Variants in MYLK4 observed in about 807,000 individuals in gnomAD.
MYLK4 encodes myosin light chain kinase family member 4, also known as caMLCK like.
Under a neutral mutation model 48.1 loss-of-function variants are expected in MYLK4, and 46 were observed. That is an observed-to-expected ratio of 0.96 (90% CI 0.75 to 1.22). MYLK4 has a LOEUF of 1.22. Among genes scored for constraint, MYLK4 ranks in the 50% most tolerant of loss-of-function variants. The pLI, the probability that MYLK4 is intolerant of heterozygous loss-of-function variation, is 0.00. For missense variants in MYLK4, 451 were observed against 486.1 expected (o/e 0.93, Z 0.68); for synonymous variants, 170 against 180.8 (o/e 0.94, Z 0.48).
the MYLK4 span, among the ~76,000 whole-genome samples, chr6:2,762,782 A>G: frequency 6.6e-6 from 1 of 152,192 alleles, no homozygotes; most frequent in African/African-American, 2.4e-5. Context: ...CCGGCTCAGA[A>G]ATCAACTGGC....
At chr6:2,695,255 T>C (rs1384053840) in intron 2 of MYLK4, among the ~76,000 whole-genome samples, 1 of 152,254 alleles carries the variant, frequency 6.6e-6, no homozygotes, top group Non-Finnish European at 1.5e-5. Context: ...CTTCTGGGTT[T>C]ATTCTGTGTG....
intron 8 of MYLK4, 153 bp from the exon 9 acceptor site, chr6:2,679,561 C>G: frequency 2.0e-6 from 2 of 1,016,126 alleles, no homozygotes. Flanking sequence ...AAGCAAGAGG[C>G]TCAAAAACTT....
chr6:2,685,551 A>G lies in MYLK4; in HGVS notation c.367T>C (p.Cys123Arg), dbSNP rs760339327. Residue 123 changes from cysteine (C) to arginine (R), a missense_variant, in exon 5 of 13, where the codon TGT becomes CGT. Physicochemically the swap from Cys to Arg is radical, Grantham distance 180. Transcript: ENST00000274643. The surrounding 1 kb of genome is among the most constrained non-coding windows in gnomAD (Gnocchi z 4.5). ...GGGRFGQVHK[C>R]EETATGLKLA... ...TTCAGACCTGTGGCCGTCTCCTCAC[A>G]CTTGTGAACCTGGCCGAAACGCCCT... The G allele has an allele frequency of 1.2e-5, 20 of 1,614,142 alleles. No homozygotes were observed. Among genetic ancestry groups the G allele is most frequent in the Non-Finnish European group, 1.7e-5 (20 of 1,180,020 alleles).
chr6:2,720,518 G>A (rs1368502981), intron 2 of MYLK4, among the ~76,000 whole-genome samples: 1 of 152,104 alleles, frequency 6.6e-6, no homozygotes, highest in Non-Finnish European at 1.5e-5. Context: ...TTAGGCTAGT[G>A]CAAAGGAAAT....
chr6:2,712,421 A>G (rs895494284), intron 2 of MYLK4, among the ~76,000 whole-genome samples: 6 of 152,208 alleles, frequency 3.9e-5, no homozygotes, highest in Non-Finnish European at 8.8e-5. Flanking sequence ...AAACTCAAGT[A>G]GAGAGCCAAC....
In MYLK4 at chr6:2,716,809, C is replaced by G. The variant is rs575165034; in HGVS notation, c.160-23950G>C. On this transcript the variant is annotated intron_variant, in intron 2 of 12. Coordinates refer to ENST00000274643, the MANE Select transcript of MYLK4 (RefSeq NM_001012418.5). ...AATGAGGATAGTAGTTCCTATCTGA[C>G]AGAGTTTTTATGAATATAAAATGAA... Among the ~76,000 whole-genome samples the G allele has an allele frequency of 5.9e-5, 9 of 152,296 alleles. No individual in the cohort carries two copies. The East Asian group carries it at 1.7e-3, about 29-fold the overall frequency.
chr6:2,714,821 C>A (rs565789376), intron 2 of MYLK4, among the ~76,000 whole-genome samples: 1 of 152,284 alleles, frequency 6.6e-6, no homozygotes, highest in East Asian at 1.9e-4. Flanking sequence ...CATGGATGAA[C>A]CTTGAAGACT....
intron 2 of MYLK4, among the ~76,000 whole-genome samples, chr6:2,697,784 C>A (rs1762120420): frequency 6.6e-6 from 1 of 152,252 alleles, no homozygotes; most frequent in African/African-American, 2.4e-5. Flanking sequence ...CTGCAGCGTT[C>A]TCAATGTGTC....
chr6:2,670,986 C>T (rs1760866737), intron 12 of MYLK4, among the ~76,000 whole-genome samples: 1 of 152,016 alleles, frequency 6.6e-6, no homozygotes, highest in Non-Finnish European at 1.5e-5. Context: ...ATTGATCCCT[C>T]CCACGCACCA....
chr6:2,722,460 T>C (rs759048745), intron 2 of MYLK4, among the ~76,000 whole-genome samples: 1 of 150,868 alleles, frequency 6.6e-6, no homozygotes, highest in Non-Finnish European at 1.5e-5. Flanking sequence ...TAACCAAAAA[T>C]TATAATATAA....
chr6:2,715,260 C>CA (rs11445482), intron 2 of MYLK4, among the ~76,000 whole-genome samples: 104,700 of 142,386 alleles, frequency 0.74, 38,692 homozygotes, highest in South Asian at 0.8. Context: ...GACTCCGTTT[C>CA]AAAAAAAAAA....
At chr6:2,701,834 T>C (rs1762292436) in intron 2 of MYLK4, among the ~76,000 whole-genome samples, 1 of 152,220 alleles carries the variant, frequency 6.6e-6, no homozygotes, top group South Asian at 2.1e-4. Flanking sequence ...GCCAGGTGGT[T>C]CCCATACATG....
chr6:2,699,287 C>CTTTTGTTTTTTTTTTTTTTTTTT (rs1193027641), intron 2 of MYLK4, among the ~76,000 whole-genome samples: 1 of 77,894 alleles, frequency 1.3e-5, no homozygotes, highest in Non-Finnish European at 2.2e-5. Flanking sequence ...CTTTTCTTTT[C>CTTTTGTTTTTTTTTTTTTTTTTT]TTTTTTTTTT....
intron 2 of MYLK4, among the ~76,000 whole-genome samples, chr6:2,722,066 AG>A (rs1160694519): frequency 6.6e-6 from 1 of 152,256 alleles, no homozygotes; most frequent in Non-Finnish European, 1.5e-5. Flanking sequence ...ATAAAGAGAC[AG>A]GGTCTTTCCA....
intron 2 of MYLK4, among the ~76,000 whole-genome samples, chr6:2,747,506 C>T (rs2113378359): frequency 6.6e-6 from 1 of 152,028 alleles, no homozygotes; most frequent in East Asian, 1.9e-4. Context: ...CCACCATGCC[C>T]GCTATTTTAT....
Position 2,744,142 on chromosome 6 carries a change from AGTGGGT to A in MYLK4, c.159+4988_159+4993del, listed in dbSNP as rs1763990306. The A allele has an allele frequency of 5.9e-4, 11 of 18,520 alleles. No homozygotes were observed. The South Asian group carries it at 0.044, about 74-fold the overall frequency. The allele number at this position is 18,520 out of a possible 1,614,324, so 1.1% of individuals were successfully genotyped here. ...TGTCACCCTTTGCTCTGCCCTGAGG[AGTGGGT>A]GTCACCGAATTACAGAGGGTTCTTG... is the stretch of plus-strand genomic sequence containing the variant. On this transcript the variant is annotated intron_variant, in intron 2 of 12. Coordinates refer to ENST00000274643, the MANE Select transcript of MYLK4 (RefSeq NM_001012418.5).
chr6:2,706,611 T>C (rs1349740878), intron 2 of MYLK4, among the ~76,000 whole-genome samples: 1 of 152,246 alleles, frequency 6.6e-6, no homozygotes, highest in Non-Finnish European at 1.5e-5. Context: ...AGAGAAACTT[T>C]AGCTTTGGAC....
At chr6:2,689,014 A>T in intron 3 of MYLK4, 58 bp from the exon 4 acceptor site, 1 of 1,382,828 alleles carries the variant, frequency 7.2e-7, no homozygotes, top group South Asian at 1.2e-5. Flanking sequence ...TCGTTAAGGC[A>T]GCAAGCCTGG....
chr6:2,711,976 T>C (rs924508004), intron 2 of MYLK4, among the ~76,000 whole-genome samples: 4 of 152,242 alleles, frequency 2.6e-5, no homozygotes, highest in African/African-American at 9.6e-5. Flanking sequence ...ATACAAGTTA[T>C]ACATTATGCA....
Sources: gnomAD v4.1 joint callset for allele counts (sites outside exome capture counted in the v4.1 genomes callset) on GRCh38, gnomAD v4.1.1 for gene constraint, Gnocchi (gnomAD v3.1) non-coding constraint, MANE v1.5 for transcripts, NCBI Gene and HGNC (gene_info 2026-07-23, HGNC 2026-07-21) for gene names.